ETV1: variants seen among roughly 807,000 people sequenced by gnomAD.
ETV1 encodes the protein ETS translocation variant 1.
ETV1 carries 27 observed loss-of-function variants against 62.3 expected under a neutral mutation model. The ratio of observed to expected loss-of-function variants is 0.43; its 90% CI spans 0.32 to 0.60. The LOEUF is 0.60. Ranked by LOEUF, ETV1 falls within the 20% of genes least tolerant of loss-of-function variation. The pLI is 0.06. For missense variants in ETV1, 605 were observed against 605.8 expected (o/e 1.00, Z 0.01); for synonymous variants, 222 against 199.6 (o/e 1.11, Z -0.94).
chr7:13,905,377 T>C (rs992750102), intron 12 of ETV1, among the ~76,000 whole-genome samples: 1 of 152,216 alleles, frequency 6.6e-6, no homozygotes, highest in Admixed American at 6.5e-5. Context: ...CAATACCTAA[T>C]ATAATCAGTT....
intron 6 of ETV1, among the ~76,000 whole-genome samples, chr7:13,956,804 C>G (rs983939652): frequency 2.6e-5 from 4 of 152,142 alleles, no homozygotes; most frequent in South Asian, 2.1e-4. Flanking sequence ...AGAGGCACTA[C>G]ATAGGAAACA....
intron 6 of ETV1, among the ~76,000 whole-genome samples, chr7:13,976,530 T>G (rs1781471481): frequency 6.6e-6 from 1 of 152,192 alleles, no homozygotes; most frequent in Non-Finnish European, 1.5e-5. Context: ...CATCTGTTAC[T>G]TGAAGTAATG....
At chr7:13,901,874 T>C (rs898508454) in intron 12 of ETV1, among the ~76,000 whole-genome samples, 8 of 152,158 alleles carry the variant, frequency 5.3e-5, no homozygotes, top group African/African-American at 1.9e-4. Flanking sequence ...ATAAAAAAAC[T>C]CAGAGCTTTT....
At chr7:13,916,853 G>A (rs1427038299) in intron 9 of ETV1, among the ~76,000 whole-genome samples, 2 of 151,666 alleles carry the variant, frequency 1.3e-5, no homozygotes, top group African/African-American at 4.8e-5. Flanking sequence ...GATGGTTTGA[G>A]CGCAGGAGGC....
intron 6 of ETV1, among the ~76,000 whole-genome samples, chr7:13,944,171 A>T (rs1489324143): frequency 6.6e-6 from 1 of 152,224 alleles, no homozygotes; most frequent in African/African-American, 2.4e-5. Context: ...AGATTGGCCC[A>T]GTGAGTTTCC....
intron 6 of ETV1, chr7:13,975,056 A>ACAGTAGC (rs1781286830): frequency 6.6e-6 from 1 of 152,264 alleles, no homozygotes; most frequent in Admixed American, 6.5e-5. Flanking sequence ...GCTGACCAAT[A>ACAGTAGC]CAGTAGCCAG....
chr7:13,980,611 G>A (rs1397849319), intron 5 of ETV1, among the ~76,000 whole-genome samples: 1 of 152,082 alleles, frequency 6.6e-6, no homozygotes, highest in African/African-American at 2.4e-5. Flanking sequence ...CCAATAAAAT[G>A]CTTTCAAGGA....
intron 6 of ETV1, among the ~76,000 whole-genome samples, chr7:13,971,054 C>T (rs959162988): frequency 2.6e-5 from 4 of 152,170 alleles, no homozygotes; most frequent in African/African-American, 9.7e-5. Flanking sequence ...TCACGGCAAC[C>T]TCTACCTCCC....
In ETV1 at chr7:13,902,685, A is replaced by G. The variant is rs547256428; in HGVS notation, c.1111-1846T>C. ...ATAAAGTATTAGTATCTCCTTAAAC[A>G]ATAATTTCTGAATCCTTATTCATTT... On this transcript the variant is annotated intron_variant, in intron 12 of 13. Transcript: ENST00000430479. Among the ~76,000 whole-genome samples the G allele has an allele frequency of 4.3e-4, 65 of 152,310 alleles. No homozygotes were observed. In the South Asian group the frequency reaches 4.3e-3, roughly 10 times the overall value.
intron 11 of ETV1, among the ~76,000 whole-genome samples, chr7:13,908,350 T>C (rs1583585645): frequency 6.6e-6 from 1 of 152,280 alleles, no homozygotes; most frequent in East Asian, 1.9e-4. Flanking sequence ...TTCTTTCTTA[T>C]ATGCCCTTAC....
chr7:13,943,782 G>T (rs1416232664), intron 6 of ETV1, among the ~76,000 whole-genome samples: 2 of 152,106 alleles, frequency 1.3e-5, no homozygotes, highest in Non-Finnish European at 2.9e-5. Context: ...CTTCTGGGTG[G>T]TGGTTATATG....
intron 6 of ETV1, among the ~76,000 whole-genome samples, chr7:13,954,565 T>C (rs935677210): frequency 1.3e-5 from 2 of 152,238 alleles, no homozygotes; most frequent in African/African-American, 2.4e-5. Context: ...CCTATATTGT[T>C]TGAAAAATTT....
At chr7:13,912,418 A>T (rs1406068751) in intron 9 of ETV1, among the ~76,000 whole-genome samples, 2 of 152,176 alleles carry the variant, frequency 1.3e-5, no homozygotes, top group African/African-American at 4.8e-5. Context: ...TCTCTATTCA[A>T]ATGGCTGATT....
intron 12 of ETV1, among the ~76,000 whole-genome samples, chr7:13,901,430 C>T (rs1782413118): frequency 6.6e-6 from 1 of 152,140 alleles, no homozygotes; most frequent in Admixed American, 6.5e-5. Flanking sequence ...CAGGAATGAA[C>T]AGGCTACAGT....
chr7:13,906,357 T>C (rs1390582995), intron 12 of ETV1, 73 bp downstream of exon 12: 1 of 1,011,706 alleles, frequency 9.9e-7, no homozygotes, highest in Non-Finnish European at 1.4e-6. Flanking sequence ...ATTTTTGGTA[T>C]ATTAATCAAA....
Position 13,891,408 on chromosome 7 carries a change from A to T in ETV1, c.*4458T>A, listed in dbSNP as rs1781376956. The stretch of plus-strand genomic sequence containing the variant: ...TAATTTTAGAATGAAAGTAACTAAT[A>T]CTGGAGTCTATATGCAAAAAAGACC... On this transcript the variant is annotated 3_prime_UTR_variant, in exon 14 of 14. Transcript: ENST00000430479. 1 of 231,590 alleles carries T rather than the reference A, an allele frequency of 4.3e-6. No individual in the cohort carries two copies. The highest frequency in any genetic ancestry group is 5.6e-5 in the Admixed American group (1 of 17,748). The allele number at this position is 231,590 out of a possible 1,614,324, so 14.3% of individuals were successfully genotyped here.
intron 9 of ETV1, among the ~76,000 whole-genome samples, chr7:13,917,479 T>C (rs1322770379): frequency 6.6e-6 from 1 of 151,678 alleles, no homozygotes; most frequent in Non-Finnish European, 1.5e-5. Context: ...CACCATGCCC[T>C]GCTAATTTTG....
rs762422710 is a variant in ETV1 at position 13,894,622 on chromosome 7, G to T, written c.*1244C>A. ...AAAGCTGCTTATAGCATAGCATGGCGTAAGCTATTTTTTAAGCAATAAATG... is the reference window on the plus strand; with the variant it reads ...AAAGCTGCTTATAGCATAGCATGGCTTAAGCTATTTTTTAAGCAATAAATG... On this transcript the variant is annotated 3_prime_UTR_variant, in exon 14 of 14. Coordinates refer to ENST00000430479, the MANE Select transcript of ETV1 (RefSeq NM_004956.5). 1.3e-5 allele frequency: 3 copies of T among 232,268 alleles called. No homozygotes were observed. Among genetic ancestry groups the T allele is most frequent in the African/African-American group, 2.2e-5 (1 of 45,288 alleles). 14.4% of individuals were successfully genotyped at this position (232,268 alleles called of 1,614,324 possible).
chr7:13,944,142 T>G (rs949881835), intron 6 of ETV1, among the ~76,000 whole-genome samples: 1 of 152,186 alleles, frequency 6.6e-6, no homozygotes, highest in African/African-American at 2.4e-5. Context: ...GAAATGCTAT[T>G]TAGTGCTCTA....
Sources: gnomAD v4.1 joint callset for allele counts (sites outside exome capture counted in the v4.1 genomes callset) on GRCh38, gnomAD v4.1.1 for gene constraint, MANE v1.5 for transcripts, NCBI Gene and HGNC (gene_info 2026-07-23, HGNC 2026-07-21) for gene names.